Variants in LRGUK observed in about 807,000 individuals in gnomAD.
LRGUK encodes leucine rich repeats and guanylate kinase domain containing.
Under a neutral mutation model 76.0 loss-of-function variants are expected in LRGUK, and 65 were observed. The observed-to-expected ratio is 0.85, with a 90% confidence interval of 0.70 to 1.05. LRGUK has a LOEUF of 1.05. Ranked by LOEUF, LRGUK falls within the 50% of genes least tolerant of loss-of-function variation. The pLI is 0.00. For synonymous variants in LRGUK, 268 were observed against 265.6 expected (o/e 1.01, Z -0.09); for missense variants, 758 against 732.8 (o/e 1.03, Z -0.40).
chr7:134,194,880 T>A (rs1800415188), intron 12 of LRGUK, among the ~76,000 whole-genome samples: 1 of 152,168 alleles, frequency 6.6e-6, no homozygotes. Context: ...AGCCGATTTT[T>A]CAAGATGAGA....
At chr7:134,265,314 G>A (rs58961747), downstream of LRGUK, among the ~76,000 whole-genome samples, 6,754 of 152,152 alleles carry the variant, frequency 0.044, 390 homozygotes, top group African/African-American at 0.13. Context: ...TTTTCTCACC[G>A]AATACAGCTA....
At chr7:134,252,374 A>AAATTTAATTT (rs1310876858) in intron 18 of LRGUK, among the ~76,000 whole-genome samples, 30 of 150,930 alleles carry the variant, frequency 2.0e-4, no homozygotes, top group African/African-American at 7.4e-4. Flanking sequence ...AAATTAAATT[A>AAATTTAATTT]AATTAAAGGG....
intron 7 of LRGUK, among the ~76,000 whole-genome samples, chr7:134,173,912 C>T (rs1464780114): frequency 1.3e-5 from 2 of 152,184 alleles, no homozygotes; most frequent in East Asian, 3.9e-4. Flanking sequence ...AGATCAAGAC[C>T]ATCCTGGCCA....
At chr7:134,157,316 C>T (rs1356697638) in intron 5 of LRGUK, among the ~76,000 whole-genome samples, 2 of 152,042 alleles carry the variant, frequency 1.3e-5, no homozygotes, top group East Asian at 3.9e-4. Flanking sequence ...GGCTCTTAGC[C>T]CAGTTATGAG....
At chr7:134,150,876 TA>T (rs1798196185) in intron 5 of LRGUK, among the ~76,000 whole-genome samples, 1 of 152,160 alleles carries the variant, frequency 6.6e-6, no homozygotes, top group South Asian at 2.1e-4. Flanking sequence ...CACTAAAGTA[TA>T]AAAAGCTGTA....
chr7:134,127,735 C>T (rs1309116801), intron 1 of LRGUK, 71 bp downstream of exon 1: 49 of 1,502,140 alleles, frequency 3.3e-5, no homozygotes, highest in Middle Eastern at 2.5e-4. Context: ...GGCAGCTCCC[C>T]GATGCACCCC....
At chr7:134,210,147 C>T (rs1227895310) in exon 16 of LRGUK, 2 of 399,276 alleles carry the variant, frequency 5.0e-6, no homozygotes, top group Non-Finnish European at 8.8e-6. Context: ...GAGGCACCAC[C>T]TGGGAACCAC....
chr7:134,210,835 G>A (rs536648674), downstream of LRGUK, among the ~76,000 whole-genome samples: 107 of 152,276 alleles, frequency 7.0e-4, no homozygotes, highest in African/African-American at 2.5e-3. Flanking sequence ...CCAAAGAGAA[G>A]CGAACCTGAA....
the LRGUK span, among the ~76,000 whole-genome samples, chr7:134,272,643 A>G: frequency 6.6e-6 from 1 of 152,218 alleles, no homozygotes. Context: ...TAACAGTTAT[A>G]AGCCCTTATG....
chr7:134,211,180 C>A (rs753503577), downstream of LRGUK, among the ~76,000 whole-genome samples: 4 of 152,212 alleles, frequency 2.6e-5, no homozygotes, highest in Admixed American at 2.6e-4. Flanking sequence ...CTGCTGTTGC[C>A]GTCACAGCCT....
At chr7:134,211,778 C>T (rs1228370237), downstream of LRGUK, among the ~76,000 whole-genome samples, 4 of 152,142 alleles carry the variant, frequency 2.6e-5, no homozygotes, top group African/African-American at 4.8e-5. Context: ...AGGATTCTTT[C>T]GCTGGCAAAT....
chr7:134,246,259 G>T (rs1250913688), intron 16 of LRGUK, among the ~76,000 whole-genome samples: 1 of 152,152 alleles, frequency 6.6e-6, no homozygotes, highest in Non-Finnish European at 1.5e-5. Flanking sequence ...AAAGTGGTTT[G>T]TTGAGGTCCT....
At chr7:134,133,315 C>T (rs983031164) in intron 1 of LRGUK, among the ~76,000 whole-genome samples, 2 of 152,098 alleles carry the variant, frequency 1.3e-5, no homozygotes, top group African/African-American at 4.8e-5. Context: ...CCTTATCTTC[C>T]CTTTTGCCAG....
At chr7:134,272,696 A>G in the LRGUK span, among the ~76,000 whole-genome samples, 3 of 152,200 alleles carry the variant, frequency 2.0e-5, no homozygotes, top group African/African-American at 7.2e-5. Flanking sequence ...CAAAAAGTAT[A>G]AGAAATGAAA....
intron 10 of LRGUK, among the ~76,000 whole-genome samples, chr7:134,180,894 T>G (rs1799711989): frequency 6.6e-6 from 1 of 152,170 alleles, no homozygotes; most frequent in Admixed American, 6.5e-5. Flanking sequence ...CAATAACTCC[T>G]GGTTCTTCTC....
chr7:134,146,859 G>T (rs753928908), intron 4 of LRGUK, among the ~76,000 whole-genome samples: 19 of 152,266 alleles, frequency 1.2e-4, no homozygotes, highest in Admixed American at 3.3e-4. Flanking sequence ...TTATGTAATT[G>T]CTTGATGGTT....
intron 6 of LRGUK, among the ~76,000 whole-genome samples, chr7:134,159,784 G>A (rs541948478): frequency 1.1e-4 from 17 of 152,196 alleles, no homozygotes; most frequent in Admixed American, 6.5e-4. Flanking sequence ...GCAAGACTCC[G>A]TCTCAAAAAA....
chr7:134,260,282 TTGCTAGATACC>T (rs1802689927), intron 19 of LRGUK, among the ~76,000 whole-genome samples: 7 of 152,264 alleles, frequency 4.6e-5, no homozygotes, highest in Admixed American at 4.6e-4. Flanking sequence ...AAGAAGTAAA[TTGCTAGATACC>T]TGCTAGATAT....
intron 16 of LRGUK, among the ~76,000 whole-genome samples, chr7:134,223,569 A>T (rs1801656955): frequency 6.6e-6 from 1 of 152,226 alleles, no homozygotes; most frequent in Admixed American, 6.5e-5. Context: ...TGGGAAATCA[A>T]ATGTCGTTAG....
Sources: gnomAD v4.1 joint callset for allele counts (sites outside exome capture counted in the v4.1 genomes callset) on GRCh38, gnomAD v4.1.1 for gene constraint, MANE v1.5 for transcripts, NCBI Gene and HGNC (gene_info 2026-07-23, HGNC 2026-07-21) for gene names.